UNC80: variants seen among roughly 807,000 people sequenced by gnomAD.
The protein encoded by UNC80 is protein unc-80 homolog.
Under a neutral mutation model 384.6 loss-of-function variants are expected in UNC80, and 164 were observed. That is an observed-to-expected ratio of 0.43 (90% CI 0.38 to 0.49). The LOEUF (loss-of-function observed/expected upper bound fraction) is 0.49. Ranked by LOEUF, UNC80 falls within the 20% of genes least tolerant of loss-of-function variation. UNC80 has a pLI of 0.00. For missense variants in UNC80, 3,330 were observed against 4,143.0 expected, an observed-to-expected ratio of 0.80 and a Z score of 5.39; for synonymous variants, 1,486 against 1,527.8, an observed-to-expected ratio of 0.97 and a Z score of 0.64.
intron 7 of UNC80, chr2:209,809,458 G>T: frequency 1.4e-6 from 2 of 1,473,294 alleles, no homozygotes; most frequent in Admixed American, 1.7e-5. Context: ...CAACCTGCGG[G>T]CCCACCTCCA....
chr2:209,847,961 T>C (rs1450029309), intron 21 of UNC80, among the ~76,000 whole-genome samples: 1 of 151,936 alleles, frequency 6.6e-6, no homozygotes, highest in African/African-American at 2.4e-5. Flanking sequence ...TAATTCAAAG[T>C]TTAAGGGACT....
At chr2:209,929,730 C>G (rs1306978820) in intron 36 of UNC80, 141 bp from the exon 37 acceptor site, 2 of 559,638 alleles carry the variant, frequency 3.6e-6, no homozygotes, top group Non-Finnish European at 6.1e-6. Context: ...AGAACAAACA[C>G]CTACGTTGCA....
chr2:209,831,104 CT>C (rs1203578351), intron 15 of UNC80, among the ~76,000 whole-genome samples: 1 of 146,600 alleles, frequency 6.8e-6, no homozygotes, highest in African/African-American at 2.5e-5. Context: ...TTTTTTTTTT[CT>C]TTTTTTTTCT....
intron 51 of UNC80, among the ~76,000 whole-genome samples, chr2:209,962,833 CA>C (rs2092635672): frequency 6.6e-6 from 1 of 152,110 alleles, no homozygotes; most frequent in African/African-American, 2.4e-5. Context: ...GTTAAGTGCG[CA>C]CTTGAATATG....
Position 209,825,376 on chromosome 2 carries a change from A to G in UNC80, c.2332-531A>G, listed in dbSNP as rs190977331. 9.5e-4 allele frequency among the ~76,000 whole-genome samples: 144 copies of G among 152,284 alleles called. 2 individuals carry two copies. The highest frequency in any genetic ancestry group is 5.8e-4 in the East Asian group (3 of 5,186). ...TGAACGTGTTTATAAAGTTCTGTAT[A>G]TTCTCACCTTGTTTGTGCATATGTA... On this transcript the variant is annotated intron_variant, in intron 13 of 64. Coordinates refer to ENST00000673920, the MANE Select transcript of UNC80 (RefSeq NM_001371986.1).
chr2:209,787,335 G>C (rs2077506957), intron 5 of UNC80, among the ~76,000 whole-genome samples: 1 of 152,034 alleles, frequency 6.6e-6, no homozygotes, highest in Admixed American at 6.6e-5. Context: ...TTACCTCCAG[G>C]ATAGCTTTAT....
At chr2:209,813,417 T>A (rs1574557046) in intron 7 of UNC80, among the ~76,000 whole-genome samples, 163 bp from the exon 8 acceptor site, 2 of 152,192 alleles carry the variant, frequency 1.3e-5, no homozygotes, top group African/African-American at 4.8e-5. Context: ...TTAGTGAAAG[T>A]GGAATGAGAG....
intron 8 of UNC80, 56 bp downstream of exon 8, chr2:209,813,897 C>CT (rs1201871740): frequency 6.6e-6 from 10 of 1,523,322 alleles, no homozygotes; most frequent in Non-Finnish European, 8.8e-6. Context: ...ATAATGGATT[C>CT]TTTTTTTCTC....
At chr2:209,927,099 A>T in intron 36 of UNC80, 113 bp downstream of exon 36, 2 of 1,132,946 alleles carry the variant, frequency 1.8e-6, no homozygotes, top group East Asian at 2.6e-5. Context: ...GAACTGTTTT[A>T]TGCACATATT....
At chr2:209,983,401 C>T (rs567707233) in intron 60 of UNC80, among the ~76,000 whole-genome samples, 19 of 152,140 alleles carry the variant, frequency 1.2e-4, no homozygotes, top group East Asian at 7.7e-4. Flanking sequence ...TTAATTATTA[C>T]GAAGATTAAT....
intron 7 of UNC80, chr2:209,794,776 C>T: frequency 2.2e-6 from 1 of 454,472 alleles, no homozygotes; most frequent in South Asian, 1.6e-5. Flanking sequence ...TCATTTTTCT[C>T]TTGCCACCAC....
chr2:209,777,099 C>T lies in UNC80; in HGVS notation c.299-159C>T, dbSNP rs2076911194. Among the ~76,000 whole-genome samples, 3 of 152,294 alleles carry T rather than the reference C, an allele frequency of 2.0e-5. No homozygotes were observed. The South Asian group carries it at 6.2e-4, about 32-fold the overall frequency. On this transcript the variant is annotated intron_variant, in intron 3 of 64. Transcript: ENST00000673920. ...GCAGCATATCATTCTGCAGAGATTG[C>T]GGCCAGTAGGGAAGTCCAAAAAGCA... is the stretch of plus-strand genomic sequence containing the variant.
chr2:209,914,998 C>G (rs937013573), intron 31 of UNC80, among the ~76,000 whole-genome samples: 1 of 152,004 alleles, frequency 6.6e-6, no homozygotes, highest in Non-Finnish European at 1.5e-5. Context: ...CACATTAAAG[C>G]TTAGGTTTTT....
chr2:209,777,511 T>C lies in UNC80; in HGVS notation c.552T>C (p.Thr184=). ...RRKIFQNSMA[T]VELFVFLFAP... is the part of the protein sequence containing the mutation. ...AGATCTTCCAGAACTCCATGGCTACTGTGGAGCTCTTCGTGTTTCTGTTTG... is the reference window on the plus strand; with the variant it reads ...AGATCTTCCAGAACTCCATGGCTACCGTGGAGCTCTTCGTGTTTCTGTTTG... Residue 184 remains threonine (T), a synonymous_variant, in exon 4 of 65, where the codon ACT becomes ACC. Transcript: ENST00000673920. The C allele has an allele frequency of 6.2e-7, 1 of 1,614,010 alleles. No homozygotes were observed. Among genetic ancestry groups the C allele is most frequent in the Non-Finnish European group, 8.5e-7 (1 of 1,179,922 alleles).
chr2:209,827,171 G>A (rs961277212), intron 14 of UNC80, among the ~76,000 whole-genome samples: 36 of 151,948 alleles, frequency 2.4e-4, no homozygotes, highest in South Asian at 6.2e-4. Context: ...AATTAATAAG[G>A]CTATAGAAAG....
At chr2:209,793,049 G>A (rs1390229993) in intron 6 of UNC80, among the ~76,000 whole-genome samples, 1 of 152,118 alleles carries the variant, frequency 6.6e-6, no homozygotes, top group Non-Finnish European at 1.5e-5. Context: ...AAAATCGTAA[G>A]GGCTAACCTT....
At chr2:209,826,694 C>T (rs1156748790) in intron 14 of UNC80, among the ~76,000 whole-genome samples, 1 of 152,084 alleles carries the variant, frequency 6.6e-6, no homozygotes, top group Non-Finnish European at 1.5e-5. Flanking sequence ...TTTTATTTGC[C>T]TCTGCTGACT....
At chr2:209,902,891 A>G (rs1247954176) in intron 28 of UNC80, among the ~76,000 whole-genome samples, 1 of 145,346 alleles carries the variant, frequency 6.9e-6, no homozygotes, top group African/African-American at 2.6e-5. Context: ...TCTCCAAGGT[A>G]TGCCTGTATA....
chr2:209,802,569 C>CAAGAGGG (rs2078631854), intron 7 of UNC80, among the ~76,000 whole-genome samples: 1 of 152,122 alleles, frequency 6.6e-6, no homozygotes, highest in Admixed American at 6.5e-5. Flanking sequence ...TTTAGTGCTC[C>CAAGAGGG]CTCTTGAAGT....
Sources: allele counts gnomAD v4.1 joint callset (sites outside exome capture counted in the v4.1 genomes callset), GRCh38; gene constraint gnomAD v4.1.1; transcripts MANE v1.5; gene names NCBI Gene and HGNC (gene_info 2026-07-23, HGNC 2026-07-21).